Variants in PIK3R1 observed in about 807,000 individuals in gnomAD.
PIK3R1 encodes the protein phosphatidylinositol 3-kinase regulatory subunit alpha.
A neutral mutation model predicts 98.0 loss-of-function variants in PIK3R1; 29 were observed. The observed-to-expected ratio is 0.30, with a 90% confidence interval of 0.22 to 0.40. The LOEUF is 0.40. Ranked by LOEUF, PIK3R1 falls within the 10% of genes least tolerant of loss-of-function variation. PIK3R1 has a pLI of 1.00. For missense variants in PIK3R1, 596 were observed against 872.7 expected (o/e 0.68, Z 3.99); for synonymous variants, 282 against 311.8 (o/e 0.90, Z 1.01).
At chr5:68,295,844 G>T (rs1295160352) in intron 14 of PIK3R1, 3 of 446,842 alleles carry the variant, frequency 6.7e-6, no homozygotes, top group Non-Finnish European at 1.2e-5. Context: ...TCAAAAACTG[G>T]CAATCTGCCT....
Position 68,293,110 on chromosome 5 carries a change from G to A in PIK3R1, c.1029G>A (p.Val343=), listed in dbSNP as rs1747485112. The change falls in exon 9 of 16, where the codon GTG becomes GTA. Residue 343 remains valine, a synonymous_variant. Coordinates refer to ENST00000521381, the MANE Select transcript of PIK3R1 (RefSeq NM_181523.3). ...WYWGDISREE[V]NEKLRDTADG... is the part of the protein sequence containing the mutation. The stretch of plus-strand genomic sequence containing the variant: ...TGTGTTTTCATTTCAGGGAAGAAGT[G>A]AATGAAAAACTTCGAGATACAGCAG... The A allele has an allele frequency of 6.2e-7, 1 of 1,611,976 alleles. No homozygotes were observed. Among genetic ancestry groups the A allele is most frequent in the Non-Finnish European group, 8.5e-7 (1 of 1,178,144 alleles).
intron 7 of PIK3R1, chr5:68,292,040 C>G (rs987875864): frequency 5.2e-6 from 2 of 383,946 alleles, no homozygotes; most frequent in African/African-American, 2.1e-5. Flanking sequence ...TTCTAAGGCT[C>G]TCTCTCTTTT....
intron 2 of PIK3R1, among the ~76,000 whole-genome samples, chr5:68,260,833 G>C (rs1381885758): frequency 6.6e-6 from 1 of 152,138 alleles, no homozygotes; most frequent in Non-Finnish European, 1.5e-5. Flanking sequence ...TGTAACTTTG[G>C]AATACATTTA....
At chr5:68,250,167 C>T (rs1028416666) in intron 2 of PIK3R1, among the ~76,000 whole-genome samples, 1 of 152,218 alleles carries the variant, frequency 6.6e-6, no homozygotes, top group Non-Finnish European at 1.5e-5. Context: ...TCCTCTCCAG[C>T]TCACTGTGTT....
chr5:68,265,616 A>G (rs910277195), intron 2 of PIK3R1, among the ~76,000 whole-genome samples: 1 of 151,872 alleles, frequency 6.6e-6, no homozygotes, highest in African/African-American at 2.4e-5. Context: ...CTTCCTGTAA[A>G]CTCAGCTGCC....
chr5:68,238,840 A>T (rs546885082), intron 2 of PIK3R1, among the ~76,000 whole-genome samples: 1 of 152,216 alleles, frequency 6.6e-6, no homozygotes, highest in South Asian at 2.1e-4. Flanking sequence ...CGTATTTTTC[A>T]TGTGAAATCA....
chr5:68,262,108 G>T (rs971505249), intron 2 of PIK3R1, among the ~76,000 whole-genome samples: 1 of 152,014 alleles, frequency 6.6e-6, no homozygotes, highest in African/African-American at 2.4e-5. Context: ...CCAACATTTT[G>T]CTGTGTTCAA....
At position 68,228,177 on chromosome 5, in the gene PIK3R1, T is replaced by G. The variant is rs1403367378; in HGVS notation, c.334+1168T>G. ...CCTGACTGGCATCACAGGATATTTC[T>G]GGAAGAGATTCTGATACCACTAGTA... On this transcript the variant is annotated intron_variant, in intron 2 of 15. Transcript: ENST00000521381. 2.6e-5 allele frequency among the ~76,000 whole-genome samples: 4 copies of G among 152,340 alleles called. No homozygotes were observed. The East Asian group carries it at 7.7e-4, about 29-fold the overall frequency.
In PIK3R1 at chr5:68,301,386, GTGTGTGTATATATATATATATA is replaced by G. The variant is rs1285205954; in HGVS notation, c.*3787_*3808del. Reference sequence around the variant, plus strand: ...TATATATGTGTGTGTGTGTGTGTGTGTGTGTGTATATATATATATATATATATATATATATATATATATATAT... The same window carrying G: ...TATATATGTGTGTGTGTGTGTGTGTGTATATATATATATATATATATATAT... On this transcript the variant is annotated 3_prime_UTR_variant, in exon 16 of 16. Coordinates refer to ENST00000521381, the MANE Select transcript of PIK3R1 (RefSeq NM_181523.3). 9.8e-3 allele frequency: 340 copies of G among 34,840 alleles called. 15 individuals are homozygous for G. Among genetic ancestry groups the G allele is most frequent in the Non-Finnish European group, 0.015 (272 of 17,800 alleles). The allele number at this position is 34,840 out of a possible 1,614,324, so 2.2% of individuals were successfully genotyped here.
intron 1 of PIK3R1, among the ~76,000 whole-genome samples, chr5:68,221,297 G>T (rs1045240729): frequency 2.6e-5 from 4 of 152,082 alleles, no homozygotes; most frequent in Admixed American, 2.0e-4. Context: ...ATGATTTCTG[G>T]GACACCATGA....
intron 1 of PIK3R1, among the ~76,000 whole-genome samples, chr5:68,217,198 G>C (rs983362447): frequency 2.0e-5 from 3 of 152,168 alleles, no homozygotes; most frequent in Non-Finnish European, 4.4e-5. Flanking sequence ...GTGTGATGAG[G>C]CTCAAGTTTT....
At chr5:68,288,342 C>G (rs1747168468) in intron 7 of PIK3R1, 1 of 932,106 alleles carries the variant, frequency 1.1e-6, no homozygotes, top group African/African-American at 1.7e-5. Context: ...ATATTTGAAC[C>G]TGCCCAAGTT....
Position 68,236,019 on chromosome 5 carries a change from T to C in PIK3R1, c.334+9010T>C, listed in dbSNP as rs556092165. ...CCAAGTAGCTGGGACTACAGGCACA[T>C]GCTGCCACGCCTGGCTAATTTTTGT... On this transcript the variant is annotated intron_variant, in intron 2 of 15. Coordinates refer to ENST00000521381, the MANE Select transcript of PIK3R1 (RefSeq NM_181523.3). Among the ~76,000 whole-genome samples the C allele has an allele frequency of 7.9e-5, 12 of 151,754 alleles. 1 individual carries two copies. The South Asian group carries it at 2.3e-3, about 29-fold the overall frequency.
intron 2 of PIK3R1, 134 bp downstream of exon 2, chr5:68,227,143 C>A: frequency 2.7e-6 from 2 of 738,682 alleles, no homozygotes; most frequent in Non-Finnish European, 4.4e-6. Context: ...ATGTGTGGTG[C>A]ATAAAAGCTT....
chr5:68,293,541 C>T, intron 10 of PIK3R1, 58 bp downstream of exon 10: 1 of 1,395,186 alleles, frequency 7.2e-7, no homozygotes, highest in Non-Finnish European at 9.9e-7. Context: ...CCTTTTAATA[C>T]TTAGAAAACA....
chr5:68,259,108 C>G (rs1422936349), intron 2 of PIK3R1, among the ~76,000 whole-genome samples: 1 of 152,140 alleles, frequency 6.6e-6, no homozygotes, highest in Non-Finnish European at 1.5e-5. Context: ...CAGGAGCCAC[C>G]AGCCACATGG....
In PIK3R1 at chr5:68,297,502, A is replaced by G; in HGVS notation, c.2076A>G (p.Lys692=). The G allele has an allele frequency of 1.2e-6, 2 of 1,614,246 alleles. No individual in the cohort carries two copies. Among genetic ancestry groups the G allele is most frequent in the Non-Finnish European group, 1.7e-6 (2 of 1,180,016 alleles). The change falls in exon 16 of 16, where the codon AAA becomes AAG. Residue 692 remains lysine (K), a synonymous_variant. Coordinates refer to ENST00000521381, the MANE Select transcript of PIK3R1 (RefSeq NM_181523.3). The stretch of plus-strand genomic sequence containing the variant: ...CCTATAACTTGTACAGCTCTCTGAA[A>G]GAACTGGTGCTACATTACCAACACA... The part of the protein sequence containing the change: ...AEPYNLYSSL[K]ELVLHYQHTS...
intron 4 of PIK3R1, among the ~76,000 whole-genome samples, chr5:68,278,021 G>T (rs1362223254): frequency 3.9e-5 from 6 of 152,076 alleles, no homozygotes; most frequent in African/African-American, 1.2e-4. Flanking sequence ...TTCAGCAGCA[G>T]CCAAAGTCCT....
At chr5:68,262,498 ATATC>A (rs1745810533) in intron 2 of PIK3R1, among the ~76,000 whole-genome samples, 1 of 138,758 alleles carries the variant, frequency 7.2e-6, no homozygotes, top group Admixed American at 7.2e-5. Context: ...ATGTATACAT[ATATC>A]TATATATGTA....
Sources: allele counts gnomAD v4.1 joint callset (sites outside exome capture counted in the v4.1 genomes callset), GRCh38; gene constraint gnomAD v4.1.1; transcripts MANE v1.5; gene names NCBI Gene and HGNC (gene_info 2026-07-23, HGNC 2026-07-21).